The following NUFIP2 variants were observed in gnomAD, a reference collection of about 807,000 sequenced individuals.
The protein encoded by NUFIP2 is FMR1-interacting protein NUFIP2.
In NUFIP2, 6 loss-of-function variants were observed where a neutral mutation model predicts 56.9. That is an observed-to-expected ratio of 0.11 (90% CI 0.06 to 0.21). The LOEUF (loss-of-function observed/expected upper bound fraction) is 0.21, where lower values mean the gene tolerates loss of function less well. NUFIP2 is among the 10% of genes least tolerant of loss of function. NUFIP2 has a pLI of 1.00. For missense variants in NUFIP2, 828 were observed against 826.8 expected, an observed-to-expected ratio of 1.00 and a Z score of -0.02; for synonymous variants, 321 against 298.2, an observed-to-expected ratio of 1.08 and a Z score of -0.79.
intron 1 of NUFIP2, among the ~76,000 whole-genome samples, chr17:29,287,923 T>C (rs542981949): frequency 7.9e-5 from 12 of 152,084 alleles, no homozygotes; most frequent in Admixed American, 7.9e-4. Flanking sequence ...AAGCAAGAGG[T>C]AGAACTCAGC....
chr17:29,284,031 T>C (rs2069155854), intron 2 of NUFIP2, among the ~76,000 whole-genome samples: 1 of 152,230 alleles, frequency 6.6e-6, no homozygotes, highest in South Asian at 2.1e-4. Context: ...CTAGGAAATT[T>C]GCTTAGAAGT....
At chr17:29,293,081 G>A (rs986810071) in intron 1 of NUFIP2, among the ~76,000 whole-genome samples, 3 of 151,774 alleles carry the variant, frequency 2.0e-5, no homozygotes, top group East Asian at 2.0e-4. Flanking sequence ...GCGGCCCCGC[G>A]AGGAGGAGAG....
In NUFIP2 at chr17:29,259,154, G is replaced by C. The variant is rs948214173; in HGVS notation, c.*5385C>G. On this transcript the variant is annotated 3_prime_UTR_variant, in exon 4 of 4. Transcript: ENST00000225388. ...CTTTGATTAGCACCTGAGGAAAAAA[G>C]GGTACATGGAAAGCTATGTAATTTG... 2.0e-5 allele frequency: 3 copies of C among 152,158 alleles called. No homozygotes were observed. Among genetic ancestry groups the C allele is most frequent in the African/African-American group, 7.2e-5 (3 of 41,420 alleles). 9.4% of individuals were successfully genotyped at this position (152,158 alleles called of 1,614,324 possible). A position where few individuals can be genotyped will look rare whatever the true frequency, so the allele number is the denominator to read the frequency against.
intron 1 of NUFIP2, among the ~76,000 whole-genome samples, chr17:29,291,972 T>C (rs2069216616): frequency 6.6e-6 from 1 of 152,230 alleles, no homozygotes; most frequent in African/African-American, 2.4e-5. Context: ...CAATTCCTTC[T>C]ATCAAATTTG....
intron 2 of NUFIP2, among the ~76,000 whole-genome samples, chr17:29,268,431 T>G (rs1355172455): frequency 6.6e-6 from 1 of 152,242 alleles, no homozygotes; most frequent in Non-Finnish European, 1.5e-5. Flanking sequence ...CAAATTTGAC[T>G]AATTAAAATT....
intron 1 of NUFIP2, 68 bp downstream of exon 1, chr17:29,293,715 A>AG: frequency 1.6e-5 from 22 of 1,406,864 alleles, no homozygotes; most frequent in Non-Finnish European, 2.0e-5. Flanking sequence ...TTTCGGATCC[A>AG]GCCCCACCCC....
At chr17:29,267,105 T>C (rs1202951410) in intron 3 of NUFIP2, among the ~76,000 whole-genome samples, 1 of 152,062 alleles carries the variant, frequency 6.6e-6, no homozygotes, top group Non-Finnish European at 1.5e-5. Flanking sequence ...GGTCTCACCA[T>C]GTTGGCCAGG....
intron 1 of NUFIP2, among the ~76,000 whole-genome samples, chr17:29,289,460 T>TG (rs1189818203): frequency 1.3e-5 from 2 of 152,036 alleles, no homozygotes; most frequent in African/African-American, 2.4e-5. Context: ...GGCATGGTGG[T>TG]GCACGCCTGT....
At chr17:29,290,373 A>G (rs531655598) in intron 1 of NUFIP2, among the ~76,000 whole-genome samples, 87 of 152,074 alleles carry the variant, frequency 5.7e-4, no homozygotes, top group South Asian at 5.6e-3. Context: ...CCTCAGAAAA[A>G]TCCCAGGCAC....
At chr17:29,284,706 C>CAAAAAAAAAAAA (rs66700326) in intron 2 of NUFIP2, among the ~76,000 whole-genome samples, 1 of 53,624 alleles carries the variant, frequency 1.9e-5, no homozygotes, top group African/African-American at 7.9e-5. Context: ...GACTCCATCT[C>CAAAAAAAAAAAA]AAAAAAAAAA....
intron 2 of NUFIP2, among the ~76,000 whole-genome samples, chr17:29,273,855 C>G (rs2069091229): frequency 6.6e-6 from 1 of 152,106 alleles, no homozygotes; most frequent in African/African-American, 2.4e-5. Flanking sequence ...TTTCCTAGAG[C>G]AGACTTTCTA....
At chr17:29,284,040 G>C (rs570555540) in intron 2 of NUFIP2, among the ~76,000 whole-genome samples, 3 of 152,324 alleles carry the variant, frequency 2.0e-5, no homozygotes, top group African/African-American at 7.2e-5. Flanking sequence ...TTGCTTAGAA[G>C]TCACAAATCA....
At chr17:29,285,599 A>C (rs1370546590) in intron 2 of NUFIP2, among the ~76,000 whole-genome samples, 1 of 152,172 alleles carries the variant, frequency 6.6e-6, no homozygotes, top group Non-Finnish European at 1.5e-5. Flanking sequence ...CAAAGAAAAA[A>C]AACACAAAAC....
chr17:29,260,854 GA>G lies in NUFIP2; in HGVS notation c.*3684del, dbSNP rs1355985521. The stretch of plus-strand genomic sequence containing the variant: ...GAGGACAACAAAATTCTAAAATGGA[GA>G]AACTCTGGCCATTTATTTCAAAGAA... On this transcript the variant is annotated 3_prime_UTR_variant, in exon 4 of 4. Transcript: ENST00000225388. 1 of 151,980 alleles carries G rather than the reference GA, an allele frequency of 6.6e-6. No homozygotes were observed. The highest frequency in any genetic ancestry group is 1.5e-5 in the Non-Finnish European group (1 of 67,978). The allele number at this position is 151,980 out of a possible 1,614,324, so 9.4% of individuals were successfully genotyped here. A position where few individuals can be genotyped will look rare whatever the true frequency, so the allele number is the denominator to read the frequency against.
rs2068979563 is a variant in NUFIP2, at chr17:29,257,851, C to G, written c.*6688G>C. 6.6e-6 allele frequency: 1 copy of G among 152,130 alleles called. No homozygotes were observed. 9.4% of individuals were successfully genotyped at this position (152,130 alleles called of 1,614,324 possible). A position where few individuals can be genotyped will look rare whatever the true frequency, so the allele number is the denominator to read the frequency against. ...TGAAGAATCCTTTTACTATTTCCCA[C>G]TACAGGACAGCCACTAACAGACTAA... On this transcript the variant is annotated 3_prime_UTR_variant, in exon 4 of 4. Coordinates refer to ENST00000225388, the MANE Select transcript of NUFIP2 (RefSeq NM_020772.3).
chr17:29,286,317 A>G lies in NUFIP2; in HGVS notation c.1677T>C (p.Pro559=), dbSNP rs1302118303. ...AEIIPSGTEH[P]VFPKAYELEK... ...CCAGCTCGTAAGCCTTGGGAAACAC[A>G]GGATGCTCAGTTCCTGAGGGAATTA... The change falls in exon 2 of 4, where the codon CCT becomes CCC. Residue 559 remains proline, a synonymous_variant. Transcript: ENST00000225388. The G allele has an allele frequency of 1.2e-6, 2 of 1,614,176 alleles. No individual in the cohort carries two copies. The highest frequency in any genetic ancestry group is 1.1e-5 in the South Asian group (1 of 91,088).
chr17:29,273,284 C>T (rs913921031), intron 2 of NUFIP2, among the ~76,000 whole-genome samples: 3 of 151,970 alleles, frequency 2.0e-5, no homozygotes, highest in Admixed American at 6.6e-5. Context: ...GTGATCCACC[C>T]GCCTCGGCCT....
At chr17:29,265,592 G>A (rs1226658078) in intron 3 of NUFIP2, among the ~76,000 whole-genome samples, 4 of 147,406 alleles carry the variant, frequency 2.7e-5, no homozygotes, top group African/African-American at 9.8e-5. Flanking sequence ...GTGAGCCACC[G>A]CGCCCGGCCA....
intron 1 of NUFIP2, 113 bp downstream of exon 1, chr17:29,293,670 G>A (rs968367038): frequency 4.5e-5 from 48 of 1,063,142 alleles, no homozygotes; most frequent in Admixed American, 1.9e-4. Context: ...AGCCGGAGGG[G>A]ACACACACAC....
Sources: allele counts gnomAD v4.1 joint callset (sites outside exome capture counted in the v4.1 genomes callset), GRCh38; gene constraint gnomAD v4.1.1; transcripts MANE v1.5; gene names NCBI Gene and HGNC (gene_info 2026-07-23, HGNC 2026-07-21).